ST3GAL1: variants seen among roughly 807,000 people sequenced by gnomAD.
ST3GAL1 encodes the protein ST3 beta-galactoside alpha-2,3-sialyltransferase 1.
ST3GAL1 carries 16 observed loss-of-function variants against 34.1 expected under a neutral mutation model. That is an observed-to-expected ratio of 0.47 (90% CI 0.32 to 0.71). The LOEUF is 0.71. ST3GAL1 is among the 30% of genes least tolerant of loss of function. The pLI, the probability that ST3GAL1 is intolerant of heterozygous loss-of-function variation, is 0.04. For synonymous variants in ST3GAL1, 191 were observed against 184.7 expected (o/e 1.03, Z -0.28); for missense variants, 353 against 447.4 (o/e 0.79, Z 1.90).
chr8:133,459,643 G>A lies in ST3GAL1; in HGVS notation c.*121C>T, dbSNP rs763662465. On this transcript the variant is annotated 3_prime_UTR_variant, in exon 10 of 10. Coordinates refer to ENST00000522652, the MANE Select transcript of ST3GAL1 (RefSeq NM_173344.3). This position sits in a 1 kb window ranked among gnomAD's most constrained non-coding sequence, Gnocchi z 4.7. ...CGGCTGGGTGCAAGAGGCTGTGAGC[G>A]GTGCCCAGGCACACACCTGAGGCTG... 8.8e-5 allele frequency: 114 copies of A among 1,288,724 alleles called. No homozygotes were observed. Among genetic ancestry groups the A allele is most frequent in the Non-Finnish European group, 1.1e-4 (100 of 949,218 alleles). The allele number at this position is 1,288,724 out of a possible 1,614,324, so 79.8% of individuals were successfully genotyped here.
intron 3 of ST3GAL1, among the ~76,000 whole-genome samples, chr8:133,498,646 C>T (rs758508326): frequency 1.3e-5 from 2 of 152,234 alleles, no homozygotes; most frequent in African/African-American, 4.8e-5. Context: ...ACAAACCACA[C>T]GGTGTAACTA....
At chr8:133,475,354 G>A (rs1452796449) in intron 5 of ST3GAL1, among the ~76,000 whole-genome samples, 1 of 152,240 alleles carries the variant, frequency 6.6e-6, no homozygotes, top group Non-Finnish European at 1.5e-5. Context: ...GGCCTCCAGA[G>A]CTGCAAGAGG....
At chr8:133,501,554 G>A (rs11777658) in intron 2 of ST3GAL1, among the ~76,000 whole-genome samples, 26,991 of 112,968 alleles carry the variant, frequency 0.24, 2,892 homozygotes, top group Non-Finnish European at 0.29. Flanking sequence ...TCAAAGACCA[G>A]CTTGGCCAAC....
chr8:133,543,573 T>C (rs1818594060), intron 2 of ST3GAL1, among the ~76,000 whole-genome samples: 3 of 152,048 alleles, frequency 2.0e-5, no homozygotes, highest in Admixed American at 2.0e-4. Context: ...TTTCTATAAA[T>C]TTGCATTTAT....
chr8:133,568,961 G>A (rs915991981), intron 1 of ST3GAL1, among the ~76,000 whole-genome samples: 7 of 152,226 alleles, frequency 4.6e-5, no homozygotes, highest in African/African-American at 1.7e-4. Flanking sequence ...CCAGGGAAGG[G>A]GGGCAGTACA....
chr8:133,524,202 A>C (rs970781526), intron 2 of ST3GAL1, among the ~76,000 whole-genome samples: 2 of 152,236 alleles, frequency 1.3e-5, no homozygotes, highest in Non-Finnish European at 2.9e-5. Context: ...CTACCTCTTA[A>C]GCTTTTAATG....
At position 133,463,405 on chromosome 8, in the gene ST3GAL1, T is replaced by G. The variant is rs1260650206; in HGVS notation, c.729+9A>C. On this transcript the variant is annotated intron_variant, in intron 8 of 9. Coordinates refer to ENST00000522652, the MANE Select transcript of ST3GAL1 (RefSeq NM_173344.3). ...AACTTAGAACAGAGGGGCCGGGGCC[T>G]CCACTCACCTTATCCTGTTTCACTC... is the stretch of plus-strand genomic sequence containing the variant. The G allele has an allele frequency of 2.5e-6, 4 of 1,613,842 alleles. No homozygotes were observed. Among genetic ancestry groups the G allele is most frequent in the Non-Finnish European group, 3.4e-6 (4 of 1,179,946 alleles).
chr8:133,494,033 G>C (rs1816867611), intron 3 of ST3GAL1, among the ~76,000 whole-genome samples: 1 of 152,110 alleles, frequency 6.6e-6, no homozygotes, highest in Admixed American at 6.5e-5. Context: ...TTATGCACTA[G>C]AGCTACAAAG....
intron 1 of ST3GAL1, among the ~76,000 whole-genome samples, chr8:133,565,455 C>T (rs1219112732): frequency 6.6e-6 from 1 of 152,136 alleles, no homozygotes; most frequent in East Asian, 1.9e-4. Flanking sequence ...CCTAGCCCTT[C>T]CCCTACCGTG....
At chr8:133,474,251 G>A (rs1321577482) in intron 5 of ST3GAL1, among the ~76,000 whole-genome samples, 2 of 152,066 alleles carry the variant, frequency 1.3e-5, no homozygotes, top group African/African-American at 2.4e-5. Flanking sequence ...GAAGACCATC[G>A]CTCCTGTGCC....
intron 3 of ST3GAL1, among the ~76,000 whole-genome samples, chr8:133,495,236 A>G (rs1382622784): frequency 6.6e-6 from 1 of 152,106 alleles, no homozygotes; most frequent in Non-Finnish European, 1.5e-5. Flanking sequence ...TCTTTTCCAC[A>G]CACATGACTA....
chr8:133,568,248 A>G (rs1819465083), intron 1 of ST3GAL1, among the ~76,000 whole-genome samples: 1 of 152,116 alleles, frequency 6.6e-6, no homozygotes, highest in African/African-American at 2.4e-5. Context: ...AGTGAAACTG[A>G]GACCCAGAGC....
intron 2 of ST3GAL1, among the ~76,000 whole-genome samples, chr8:133,504,475 G>A (rs1207283895): frequency 1.3e-5 from 2 of 152,202 alleles, no homozygotes; most frequent in Non-Finnish European, 2.9e-5. Flanking sequence ...TTCACCCACT[G>A]CCTGGGGCCT....
chr8:133,463,575 C>G, intron 7 of ST3GAL1, 116 bp from the exon 8 acceptor site: 2 of 1,139,032 alleles, frequency 1.8e-6, no homozygotes, highest in South Asian at 2.7e-5. Flanking sequence ...TCTCCTGCCC[C>G]CCATAGCTTC....
In ST3GAL1 at chr8:133,529,683, A is replaced by G. The variant is rs74505912; in HGVS notation, c.-429+16091T>C. ...GCATGTCATGTCACCAAAGGTCAACAAGAACCCCTCTGGTCTGGCCACCCC... is the reference window on the plus strand; with the variant it reads ...GCATGTCATGTCACCAAAGGTCAACGAGAACCCCTCTGGTCTGGCCACCCC... On this transcript the variant is annotated intron_variant, in intron 2 of 9. Transcript: ENST00000522652. Among the ~76,000 whole-genome samples the G allele has an allele frequency of 0.018, 2,766 of 152,256 alleles. 143 individuals carry two copies. The East Asian group carries it at 0.21, about 11-fold the overall frequency.
At chr8:133,500,833 C>T (rs993986775) in intron 2 of ST3GAL1, among the ~76,000 whole-genome samples, 1 of 152,222 alleles carries the variant, frequency 6.6e-6, no homozygotes, top group Admixed American at 6.5e-5. Flanking sequence ...AGATGCTGTA[C>T]ATCTCACAGG....
intron 8 of ST3GAL1, 52 bp downstream of exon 8, chr8:133,463,362 C>T (rs1815585494): frequency 6.2e-7 from 1 of 1,604,168 alleles, no homozygotes; most frequent in Non-Finnish European, 8.5e-7. Flanking sequence ...AGAGCAGAGC[C>T]TTAGATGAGG....
intron 2 of ST3GAL1, among the ~76,000 whole-genome samples, chr8:133,506,799 A>C (rs980481502): frequency 6.7e-6 from 1 of 148,648 alleles, no homozygotes; most frequent in African/African-American, 2.5e-5. Context: ...AAAAAGAAAA[A>C]AAAAGCTGGG....
chr8:133,559,629 G>A lies in ST3GAL1; in HGVS notation c.-582+12064C>T, dbSNP rs1169789752. Among the ~76,000 whole-genome samples, 3 of 152,170 alleles carry A rather than the reference G, an allele frequency of 2.0e-5. No individual in the cohort carries two copies. In the South Asian group the frequency reaches 6.2e-4, roughly 32 times the overall value. On this transcript the variant is annotated intron_variant, in intron 1 of 9. Coordinates refer to ENST00000522652, the MANE Select transcript of ST3GAL1 (RefSeq NM_173344.3). ...TTATTCATCAAACTCTCCACCAGGT[G>A]GTAGGATTAACAGTGTTTTCAAGTA...
Sources: allele counts gnomAD v4.1 joint callset (sites outside exome capture counted in the v4.1 genomes callset), GRCh38; gene constraint gnomAD v4.1.1; non-coding constraint Gnocchi (gnomAD v3.1); transcripts MANE v1.5; gene names NCBI Gene and HGNC (gene_info 2026-07-23, HGNC 2026-07-21).